The following CCDC73 variants were observed in gnomAD, a reference collection of about 807,000 sequenced individuals.
CCDC73 encodes coiled-coil domain-containing protein 73.
Under a neutral mutation model 116.5 loss-of-function variants are expected in CCDC73, and 95 were observed. The observed-to-expected ratio is 0.82, with a 90% CI of 0.69 to 0.97. CCDC73 has a LOEUF of 0.97. Ranked by LOEUF, CCDC73 falls within the 50% of genes least tolerant of loss-of-function variation. The probability of loss-of-function intolerance (pLI) is 0.00; values close to 1 mark genes in which losing one functional copy is unlikely to be tolerated. For missense variants in CCDC73, 1,066 were observed against 1,206.8 expected (o/e 0.88, Z 1.73); for synonymous variants, 398 against 401.3 (o/e 0.99, Z 0.10).
chr11:32,779,993 G>C (rs746692968), intron 1 of CCDC73, among the ~76,000 whole-genome samples: 20 of 152,298 alleles, frequency 1.3e-4, no homozygotes, highest in Admixed American at 5.2e-4. Flanking sequence ...ATAACACGAG[G>C]TTGGGTGCAG....
At position 32,614,200 on chromosome 11, in the gene CCDC73, G is replaced by A. The variant is rs774156632; in HGVS notation, c.2118C>T (p.Ile706=). 9.3e-6 allele frequency: 15 copies of A among 1,613,678 alleles called. No individual in the cohort carries two copies. Among genetic ancestry groups the A allele is most frequent in the Admixed American group, 8.3e-5 (5 of 60,004 alleles). ...AAGCAGCATATGAAACATGGTGGTC[G>A]ATTACTATATCACAGGGAACAGTTA... is the stretch of plus-strand genomic sequence containing the variant. The part of the protein sequence containing the change: ...SELTVPCDIV[I]DHHVSYAAFS... Residue 706 remains isoleucine (I), a synonymous_variant, in exon 16 of 18, where the codon ATC becomes ATT. Transcript: ENST00000335185.
intron 7 of CCDC73, chr11:32,682,876 C>T (rs533470440): frequency 1.3e-5 from 2 of 152,312 alleles, no homozygotes; most frequent in South Asian, 2.1e-4. Context: ...GTACCATATC[C>T]CAAGTGTACA....
the CCDC73 span, among the ~76,000 whole-genome samples, chr11:32,810,407 T>G: frequency 6.6e-6 from 1 of 152,206 alleles, no homozygotes; most frequent in African/African-American, 2.4e-5. Context: ...GCTTTAGAAA[T>G]CATCTTTTTA....
chr11:32,637,495 G>A (rs2133245247), intron 13 of CCDC73, among the ~76,000 whole-genome samples: 1 of 152,028 alleles, frequency 6.6e-6, no homozygotes, highest in Admixed American at 6.6e-5. Context: ...TGACCATGTT[G>A]ACTACTCTGT....
chr11:32,700,319 G>A (rs1428217444), intron 5 of CCDC73, among the ~76,000 whole-genome samples: 2 of 152,134 alleles, frequency 1.3e-5, no homozygotes, highest in African/African-American at 2.4e-5. Context: ...AATATTTAGC[G>A]TCAGATAAAT....
chr11:32,765,126 G>A (rs1850429212), intron 1 of CCDC73, among the ~76,000 whole-genome samples: 1 of 152,168 alleles, frequency 6.6e-6, no homozygotes, highest in African/African-American at 2.4e-5. Context: ...AGTCCTTAGA[G>A]TCCTACAAAG....
chr11:32,671,786 G>A (rs1856041621), intron 9 of CCDC73, among the ~76,000 whole-genome samples: 1 of 152,146 alleles, frequency 6.6e-6, no homozygotes, highest in Non-Finnish European at 1.5e-5. Context: ...TGTCTTCCAA[G>A]AACAACTTTG....
intron 9 of CCDC73, among the ~76,000 whole-genome samples, chr11:32,657,603 G>A (rs547776120): frequency 5.3e-5 from 8 of 152,126 alleles, no homozygotes; most frequent in African/African-American, 1.9e-4. Context: ...TCTGCCTTCT[G>A]GCTCCTGATT....
In CCDC73 at chr11:32,632,880, A is replaced by G. The variant is rs1340626936; in HGVS notation, c.1185+2816T>C. Among the ~76,000 whole-genome samples, 3 of 152,208 alleles carry G rather than the reference A, an allele frequency of 2.0e-5. No homozygotes were observed. The South Asian group carries it at 6.2e-4, about 31-fold the overall frequency. On this transcript the variant is annotated intron_variant, in intron 14 of 17. Coordinates refer to ENST00000335185, the MANE Select transcript of CCDC73 (RefSeq NM_001008391.4). ...AAATGTTATAGCTTTAAGTGCTTAT[A>G]TTAGAAAAGAAGAAAGGTAAATAAT...
intron 9 of CCDC73, among the ~76,000 whole-genome samples, chr11:32,666,621 G>A (rs1423039444): frequency 5.9e-5 from 9 of 152,076 alleles, no homozygotes; most frequent in African/African-American, 1.7e-4. Flanking sequence ...CCTTTAGCTC[G>A]GAGAAGTTTG....
At chr11:32,700,761 G>T in intron 5 of CCDC73, 30 bp downstream of exon 5, 3 of 1,125,374 alleles carry the variant, frequency 2.7e-6, no homozygotes, top group African/African-American at 1.6e-5. Flanking sequence ...CTTTTTAATA[G>T]ACAGAAAATT....
chr11:32,724,631 T>C (rs1850015804), intron 2 of CCDC73, among the ~76,000 whole-genome samples: 1 of 152,226 alleles, frequency 6.6e-6, no homozygotes, highest in Non-Finnish European at 1.5e-5. Flanking sequence ...TTCTAGTTTT[T>C]CTTCAATAAT....
Position 32,602,836 on chromosome 11 carries a change from A to G in CCDC73, c.3215T>C (p.Leu1072Ser), listed in dbSNP as rs1342783510. ...QPKKRKAEETLEKNNRLK is the reference protein window; with the variant it reads ...QPKKRKAEETSEKNNRLK ...TTATTTTAATCTGTTGTTTTTTTCCAACGTCTCTTCTGCTTTTCTTTTCTT... is the reference window on the plus strand; with the variant it reads ...TTATTTTAATCTGTTGTTTTTTTCCGACGTCTCTTCTGCTTTTCTTTTCTT... The change falls in exon 18 of 18, where the codon TTG (leucine) becomes TCG (serine). Residue 1072 changes from leucine (L) to serine (S), a missense_variant. Coordinates refer to ENST00000335185, the MANE Select transcript of CCDC73 (RefSeq NM_001008391.4). The G allele has an allele frequency of 1.2e-6, 2 of 1,600,098 alleles. No individual in the cohort carries two copies. Among genetic ancestry groups the G allele is most frequent in the Non-Finnish European group, 1.7e-6 (2 of 1,174,688 alleles).
chr11:32,671,672 A>G (rs1259993704), intron 9 of CCDC73, among the ~76,000 whole-genome samples: 1 of 152,218 alleles, frequency 6.6e-6, no homozygotes, highest in Admixed American at 6.5e-5. Context: ...AATATTAAAA[A>G]CTGGCTCTGA....
the CCDC73 span, among the ~76,000 whole-genome samples, chr11:32,829,487 T>C: frequency 6.6e-6 from 1 of 152,356 alleles, no homozygotes; most frequent in African/African-American, 2.4e-5. Flanking sequence ...TGTAAGGTCA[T>C]TTCCATTTCT....
Position 32,675,952 on chromosome 11 carries a change from A to G in CCDC73, c.499T>C (p.Tyr167His), listed in dbSNP as rs1313728848. ...AATTGACCTGTTATTGTGGCATAAT[A>G]TTTCTCAATTTCACTCAGTTGCTTA... ...YHKQLSEIEKYYATITGQFGL... is the reference protein window; with the variant it reads ...YHKQLSEIEKHYATITGQFGL... The change falls in exon 8 of 18, where the codon TAT becomes CAT. Residue 167 changes from tyrosine (Y) to histidine (H), a missense_variant. Physicochemically the swap from Tyr to His is moderately conservative, Grantham distance 83 (BLOSUM62 2). Transcript: ENST00000335185. The G allele has an allele frequency of 2.5e-6, 4 of 1,609,150 alleles. No individual in the cohort carries two copies. Among genetic ancestry groups the G allele is most frequent in the South Asian group, 1.1e-5 (1 of 90,174 alleles).
At chr11:32,801,498 C>T in the CCDC73 span, among the ~76,000 whole-genome samples, 3 of 151,910 alleles carry the variant, frequency 2.0e-5, no homozygotes, top group Non-Finnish European at 2.9e-5. Context: ...GAAATTAGCC[C>T]GGCGTGGTGG....
intron 2 of CCDC73, among the ~76,000 whole-genome samples, chr11:32,749,651 C>A (rs535160432): frequency 9.9e-5 from 15 of 151,960 alleles, no homozygotes; most frequent in Non-Finnish European, 2.1e-4. Flanking sequence ...CTTTTTGTAC[C>A]CATCCTTCTT....
intron 1 of CCDC73, among the ~76,000 whole-genome samples, chr11:32,777,367 A>C (rs1850547114): frequency 6.6e-6 from 1 of 152,054 alleles, no homozygotes; most frequent in South Asian, 2.1e-4. Context: ...AGCCTCCCAA[A>C]GTGCTGGGAT....
Sources: gnomAD v4.1 joint callset for allele counts (sites outside exome capture counted in the v4.1 genomes callset) on GRCh38, gnomAD v4.1.1 for gene constraint, MANE v1.5 for transcripts, NCBI Gene and HGNC (gene_info 2026-07-23, HGNC 2026-07-21) for gene names.